Variants in MUC6 observed in about 807,000 individuals in gnomAD.
MUC6 encodes mucin 6, oligomeric mucus/gel-forming (gene/pseudogene).
A neutral mutation model predicts 201.5 loss-of-function variants in MUC6; 188 were observed. The observed-to-expected ratio is 0.93, with a 90% confidence interval of 0.83 to 1.05. The LOEUF is 1.05. MUC6 is among the 50% of genes least tolerant of loss of function. MUC6 has a pLI of 0.00. For missense variants in MUC6, 2,706 were observed against 3,256.9 expected, an observed-to-expected ratio of 0.83 and a Z score of 4.12; for synonymous variants, 1,228 against 1,389.4, an observed-to-expected ratio of 0.88 and a Z score of 2.58.
chr11:1,028,821 C>T (rs1857028662), intron 12 of MUC6, 38 bp from the exon 13 acceptor site: 2 of 1,609,224 alleles, frequency 1.2e-6, no homozygotes, highest in Non-Finnish European at 1.7e-6. Flanking sequence ...TCTGGGCTCC[C>T]TCCCCACCCA....
Position 1,019,285 on chromosome 11 carries a change from G to T in MUC6, c.4020C>A (p.Ser1340Arg), listed in dbSNP as rs1009467957. 1.2e-6 allele frequency: 2 copies of T among 1,614,036 alleles called. No individual in the cohort carries two copies. Among genetic ancestry groups the T allele is most frequent in the Non-Finnish European group, 1.7e-6 (2 of 1,179,884 alleles). ...GGCGCCATGACTTACGCAGCGTGGG[G>T]CTTGTCCCTGATGTGGCTGGGGTTG... is the stretch of plus-strand genomic sequence containing the variant. ...TLPTPATSGT[S>R]PTLPKSTNQE... The change falls in exon 30 of 33, where the codon AGC becomes AGA. Residue 1340 changes from serine to arginine, a missense_variant. Physicochemically the swap from Ser to Arg is moderately radical, Grantham distance 110. Around this residue, in one of 10 missense-constraint regions of MUC6, gnomAD observed 1,850 missense variants for 1,958.3 expected, o/e 0.94. Transcript: ENST00000421673.
intron 12 of MUC6, 27 bp downstream of exon 12, chr11:1,028,862 G>A (rs1857030054): frequency 1.9e-6 from 3 of 1,610,990 alleles, no homozygotes; most frequent in South Asian, 1.1e-5. Context: ...ACAACTCTGG[G>A]GGGCCACAGA....
Position 1,013,644 on chromosome 11 carries a change from G to A in MUC6, c.7143-11C>T. On this transcript the variant is annotated splice_polypyrimidine_tract_variant and intron_variant, in intron 32 of 32. Coordinates refer to ENST00000421673, the MANE Select transcript of MUC6 (RefSeq NM_005961.3). Reference sequence around the variant, plus strand: ...GTGATGATGTTGAAGCTGCCGAGAAGTCAAGACAGAGCAGGGTCATGACTG... The same window carrying A: ...GTGATGATGTTGAAGCTGCCGAGAAATCAAGACAGAGCAGGGTCATGACTG... The A allele has an allele frequency of 6.4e-7, 1 of 1,556,166 alleles. No individual in the cohort carries two copies. Among genetic ancestry groups the A allele is most frequent in the Admixed American group, 1.9e-5 (1 of 51,538 alleles).
At chr11:1,023,065 G>A (rs1453583024) in intron 26 of MUC6, among the ~76,000 whole-genome samples, 1 of 151,236 alleles carries the variant, frequency 6.6e-6, no homozygotes, top group Non-Finnish European at 1.5e-5. Context: ...GTGAATGAGC[G>A]TGAATATGTT....
At chr11:1,034,496 G>A (rs184157606) in intron 1 of MUC6, among the ~76,000 whole-genome samples, 2 of 152,318 alleles carry the variant, frequency 1.3e-5, no homozygotes, top group Non-Finnish European at 2.9e-5. Context: ...ACCTGCTGCA[G>A]GAGTGCGCAG....
Position 1,016,182 on chromosome 11 carries a change from T to C in MUC6, c.6619A>G (p.Thr2207Ala), listed in dbSNP as rs1295151687. The change falls in exon 31 of 33, where the codon ACC (threonine) becomes GCC (alanine). Residue 2207 changes from threonine to alanine, a missense_variant. By Grantham distance (58) the Thr-to-Ala change is moderately conservative. Coordinates refer to ENST00000421673, the MANE Select transcript of MUC6 (RefSeq NM_005961.3). ...GTGTGGGGGAGAGTGGCCCTAATGG[T>C]AGTAGAGGCAGCTGGAGAAGAAGGA... ...LFPSSPAAST[T>A]IRATLPHTIS... The C allele has an allele frequency of 3.1e-6, 5 of 1,612,546 alleles. No individual in the cohort carries two copies. The Admixed American group carries it at 8.4e-5, about 27-fold the overall frequency.
chr11:1,017,712 G>C lies in MUC6; in HGVS notation c.5089C>G (p.His1697Asp). 6.2e-7 allele frequency: 1 copy of C among 1,608,908 alleles called. No individual in the cohort carries two copies. Among genetic ancestry groups the C allele is most frequent in the Non-Finnish European group, 8.5e-7 (1 of 1,177,008 alleles). The change falls in exon 31 of 33, where the codon CAC becomes GAC. Residue 1697 changes from histidine (H) to aspartate (D), a missense_variant. Around this residue, in one of 10 missense-constraint regions of MUC6, gnomAD observed 32 missense variants for 181.6 expected, o/e 0.18. Transcript: ENST00000421673. ...TAKTSTSLHS[H>D]TSSTHHAEAT... The stretch of plus-strand genomic sequence containing the variant: ...TCAGCATGGTGTGTGGAGGAAGTGT[G>C]TGAATGTAGGGATGTAGAGGTTTTG...
chr11:1,025,686 C>A (rs1432578508), intron 22 of MUC6, 119 bp downstream of exon 22: 3 of 994,640 alleles, frequency 3.0e-6, no homozygotes, highest in Non-Finnish European at 4.5e-6. Flanking sequence ...CAAGGAGAGG[C>A]AGGCGGGGAG....
At position 1,028,018 on chromosome 11, in the gene MUC6, C is replaced by T. The variant is rs749169897; in HGVS notation, c.1795G>A (p.Gly599Ser). ...GCGTGGCACCTCTCGAACACCGTGC[C>T]TGTCCTCAGCAGCATGGAGCAGTGG... ...ETHCSMLLRT[G>S]TVFERCHATV... is the part of the protein sequence containing the mutation. The change falls in exon 15 of 33, where the codon GGC becomes AGC. Residue 599 changes from glycine (G) to serine (S), a missense_variant. Gly to Ser is a moderately conservative substitution (Grantham distance 56). Around this residue, in one of 10 missense-constraint regions of MUC6, gnomAD observed 1,850 missense variants for 1,958.3 expected, o/e 0.94. Coordinates refer to ENST00000421673, the MANE Select transcript of MUC6 (RefSeq NM_005961.3). 5 of 1,586,180 alleles carry T rather than the reference C, an allele frequency of 3.2e-6. No homozygotes were observed. The highest frequency in any genetic ancestry group is 4.3e-6 in the Non-Finnish European group (5 of 1,166,824).
Position 1,013,187 on chromosome 11 carries a change from A to C in MUC6, c.*269T>G. 1.9e-6 allele frequency: 1 copy of C among 521,376 alleles called. No homozygotes were observed. The highest frequency in any genetic ancestry group is 3.4e-6 in the Non-Finnish European group (1 of 296,776). 32.3% of individuals were successfully genotyped at this position (521,376 alleles called of 1,614,324 possible). On this transcript the variant is annotated 3_prime_UTR_variant, in exon 33 of 33. Coordinates refer to ENST00000421673, the MANE Select transcript of MUC6 (RefSeq NM_005961.3). ...TGGACGGTGGGCAGGGGTGGTCGGG[A>C]GTGCCCTGTGTGCCTGGGAGGTCCG...
Position 1,030,683 on chromosome 11 carries a change from G to A in MUC6, c.782C>T (p.Ala261Val). ...GCTGTTCTGTGGGCCTGGCTGGGGG[G>A]CTGCGGCCACGTCCGCCTGGCAGCT... The part of the protein sequence containing the change: ...VLSCQADVAA[A>V]PQPGPQNSSC... The change falls in exon 7 of 33, where the codon GCC becomes GTC. Residue 261 changes from alanine to valine, a missense_variant. Coordinates refer to ENST00000421673, the MANE Select transcript of MUC6 (RefSeq NM_005961.3). The A allele has an allele frequency of 1.3e-6, 2 of 1,549,800 alleles. No homozygotes were observed. Among genetic ancestry groups the A allele is most frequent in the African/African-American group, 1.4e-5 (1 of 73,410 alleles).
rs371590735 is a variant in MUC6 at position 1,024,074 on chromosome 11, G to A, written c.3255C>T (p.Cys1085=). The part of the protein sequence containing the change: ...KVYHLPYYEA[C]VRDACGCDSG... ...TGTCACACCCACATGCGTCGCGCAC[G>A]CAGGCCTCGTAGTAGGGCAGGTGGT... The change falls in exon 25 of 33, where the codon TGC becomes TGT. Residue 1085 remains cysteine, a synonymous_variant. Transcript: ENST00000421673. 9.6e-5 allele frequency: 155 copies of A among 1,612,900 alleles called. No homozygotes were observed. The highest frequency in any genetic ancestry group is 1.3e-4 in the Non-Finnish European group (148 of 1,179,782).
intron 13 of MUC6, 49 bp from the exon 14 acceptor site, chr11:1,028,436 C>A (rs751323245): frequency 1.9e-6 from 3 of 1,593,896 alleles, no homozygotes. Flanking sequence ...CTCCTGCACC[C>A]ATTCCTGCCC....
rs12805419 is a variant in MUC6 at position 1,014,835 on chromosome 11, G to A, written c.7040-834C>T. On this transcript the variant is annotated intron_variant, in intron 31 of 32. Transcript: ENST00000421673. The stretch of plus-strand genomic sequence containing the variant: ...TCTGGGTGCTTCCATAGGCCCTGCC[G>A]TCCCCAGCTGCCCTCCCCTCCCAGC... 5.3e-4 allele frequency among the ~76,000 whole-genome samples: 81 copies of A among 152,134 alleles called. No individual in the cohort carries two copies. The South Asian group carries it at 0.016, about 30-fold the overall frequency.
rs1334018647 is a variant in MUC6, at chr11:1,020,345, C to T, written c.3641-88G>A. The T allele has an allele frequency of 2.2e-5, 32 of 1,485,634 alleles. No individual in the cohort carries two copies. The Admixed American group carries it at 2.2e-4, about 10-fold the overall frequency. 92.0% of individuals were successfully genotyped at this position (1,485,634 alleles called of 1,614,324 possible). A position where few individuals can be genotyped will look rare whatever the true frequency, so the allele number is the denominator to read the frequency against. ...CCCTCTGCCTGCTTGGCCCTGAAGC[C>T]GGGCAGCCCTGCAGGGGCCAATGAT... is the stretch of plus-strand genomic sequence containing the variant. On this transcript the variant is annotated intron_variant, in intron 28 of 32. Transcript: ENST00000421673.
rs1857079265 is a variant in MUC6 at position 1,030,632 on chromosome 11, G to C, written c.833C>G (p.Ser278Cys). The change falls in exon 7 of 33, where the codon TCC becomes TGC. Residue 278 changes from serine (S) to cysteine (C), a missense_variant. By Grantham distance (112) the Ser-to-Cys change is moderately radical. Around this residue, in one of 10 missense-constraint regions of MUC6, gnomAD observed 1,850 missense variants for 1,958.3 expected, o/e 0.94. Coordinates refer to ENST00000421673, the MANE Select transcript of MUC6 (RefSeq NM_005961.3). The stretch of plus-strand genomic sequence containing the variant: ...CTGGCCCACCATGCTGCACTGGCGG[G>C]AGTACTCCGACAGGGTGGCACAACT... The part of the protein sequence containing the change: ...NSSCATLSEY[S>C]RQCSMVGQPV... 1 of 1,541,724 alleles carries C rather than the reference G, an allele frequency of 6.5e-7. No individual in the cohort carries two copies. Among genetic ancestry groups the C allele is most frequent in the African/African-American group, 1.4e-5 (1 of 73,340 alleles).
chr11:1,020,534 C>T, intron 28 of MUC6, 150 bp downstream of exon 28: 1 of 1,254,510 alleles, frequency 8.0e-7, no homozygotes, highest in Non-Finnish European at 1.1e-6. Context: ...CTGAGCTCCT[C>T]CCCAACTCTG....
At chr11:1,029,648 GGACT>G in intron 8 of MUC6, 33 bp from the exon 9 acceptor site, 1 of 1,535,892 alleles carries the variant, frequency 6.5e-7, no homozygotes, top group South Asian at 1.3e-5. Flanking sequence ...GGCTTGGGTG[GGACT>G]GACTGCCTCC....
chr11:1,028,910 T>TG lies in MUC6; in HGVS notation c.1431dup (p.Lys478GlnfsTer66). ...GTACGAGTCTTGTATGGCAGCCACT[T>TG]GGCTTCTCCGTTGTTGGTGACCACC... On this transcript the variant is annotated frameshift_variant, in exon 12 of 33. Coordinates refer to ENST00000421673, the MANE Select transcript of MUC6 (RefSeq NM_005961.3). LOFTEE classifies it high-confidence loss of function. 1 of 1,612,890 alleles carries TG rather than the reference T, an allele frequency of 6.2e-7. No homozygotes were observed. The highest frequency in any genetic ancestry group is 8.5e-7 in the Non-Finnish European group (1 of 1,179,892).
Sources: gnomAD v4.1 joint callset for allele counts (sites outside exome capture counted in the v4.1 genomes callset) on GRCh38, gnomAD v4.1.1 for gene constraint, gnomAD v4.1.1 regional missense constraint, MANE v1.5 for transcripts, NCBI Gene and HGNC (gene_info 2026-07-23, HGNC 2026-07-21) for gene names.